Variants in KLHL3 observed in about 807,000 individuals in gnomAD.
The protein encoded by KLHL3 is kelch-like protein 3.
A neutral mutation model predicts 70.5 loss-of-function variants in KLHL3; 19 were observed. The ratio of observed to expected loss-of-function variants is 0.27; its 90% CI spans 0.19 to 0.40. The LOEUF is 0.40. Ranked by LOEUF, KLHL3 falls within the 10% of genes least tolerant of loss-of-function variation. The pLI is 1.00. For missense variants in KLHL3, 512 were observed against 771.1 expected (o/e 0.66, Z 3.98); for synonymous variants, 258 against 290.3 (o/e 0.89, Z 1.13).
Position 137,620,565 on chromosome 5 carries a change from T to C in KLHL3, c.*1533A>G, listed in dbSNP as rs1269160491. On this transcript the variant is annotated 3_prime_UTR_variant, in exon 15 of 15. Coordinates refer to ENST00000309755, the MANE Select transcript of KLHL3 (RefSeq NM_017415.3). ...GAGACTATTCTCCAGACACAAGACT[T>C]CCCCTGCTTATGCCAGAAATTTCAG... 1 of 152,170 alleles carries C rather than the reference T, an allele frequency of 6.6e-6. No homozygotes were observed. The highest frequency in any genetic ancestry group is 2.4e-5 in the African/African-American group (1 of 41,412). The allele number at this position is 152,170 out of a possible 1,614,324, so 9.4% of individuals were successfully genotyped here.
intron 1 of KLHL3, among the ~76,000 whole-genome samples, chr5:137,730,016 A>C (rs1193784690): frequency 6.6e-6 from 1 of 152,210 alleles, no homozygotes; most frequent in Admixed American, 6.5e-5. Flanking sequence ...GAACACATGC[A>C]TTAGTAAGGT....
chr5:137,663,404 T>C (rs2905580), intron 6 of KLHL3, among the ~76,000 whole-genome samples: 26,970 of 151,858 alleles, frequency 0.18, 2,878 homozygotes, highest in East Asian at 0.41. Flanking sequence ...CATCTGCCAA[T>C]GCTCAAGTCC....
In KLHL3 at chr5:137,662,114, A is replaced by AAG. The variant is rs1554092409; in HGVS notation, c.637-85_637-84dup. 0.27 allele frequency: 132,088 copies of AAG among 492,600 alleles called. 15,763 individuals are homozygous for AAG. The highest frequency in any genetic ancestry group is 0.35 in the East Asian group (9,488 of 27,280). The allele number at this position is 492,600 out of a possible 1,614,324, so 30.5% of individuals were successfully genotyped here. A position where few individuals can be genotyped will look rare whatever the true frequency, so the allele number is the denominator to read the frequency against. On this transcript the variant is annotated intron_variant, in intron 6 of 14. Coordinates refer to ENST00000309755, the MANE Select transcript of KLHL3 (RefSeq NM_017415.3). ...CCTCAATCTGTAAAAAAAAAAAAAAAAGAGAGAGAGAAAAAGTTATGAGTC... is the reference window on the plus strand; with the variant it reads ...CCTCAATCTGTAAAAAAAAAAAAAAAAGAGAGAGAGAGAAAAAGTTATGAGTC...
At chr5:137,726,081 C>A (rs1443717303) in intron 1 of KLHL3, among the ~76,000 whole-genome samples, 1 of 152,190 alleles carries the variant, frequency 6.6e-6, no homozygotes, top group Non-Finnish European at 1.5e-5. Flanking sequence ...TGCACACCAT[C>A]GCCAAACTGA....
intron 5 of KLHL3, among the ~76,000 whole-genome samples, chr5:137,678,306 G>C (rs1380563076): frequency 6.6e-6 from 1 of 152,104 alleles, no homozygotes; most frequent in East Asian, 1.9e-4. Context: ...AGGGAAATTT[G>C]GTGACAACTA....
intron 1 of KLHL3, among the ~76,000 whole-genome samples, chr5:137,732,917 T>C (rs1345203244): frequency 1.3e-5 from 2 of 152,208 alleles, no homozygotes; most frequent in East Asian, 3.8e-4. Context: ...ACACTGTTTG[T>C]AAAGCAGATT....
rs200081216 is a variant in KLHL3 at position 137,634,040 on chromosome 5, C to T, written c.1447G>A (p.Ala483Thr). 1.2e-5 allele frequency: 20 copies of T among 1,614,178 alleles called. No individual in the cohort carries two copies. The East Asian group carries it at 1.3e-4, about 11-fold the overall frequency. ...GCACCCCGAGGTTCTCCCATACCTGCGCCACTGCGGCGGGTGCTCATGTCC... is the reference window on the plus strand; with the variant it reads ...GCACCCCGAGGTTCTCCCATACCTGTGCCACTGCGGCGGGTGCTCATGTCC... ...VADMSTRRSG[A>T]GVGVLSGQLY... The change falls in exon 12 of 15, where the codon GCA (alanine) becomes ACA (threonine). Residue 483 changes from alanine to threonine, a missense_variant. Coordinates refer to ENST00000309755, the MANE Select transcript of KLHL3 (RefSeq NM_017415.3).
intron 3 of KLHL3, 104 bp from the exon 4 acceptor site, chr5:137,698,512 T>C: frequency 7.3e-7 from 1 of 1,366,756 alleles, no homozygotes; most frequent in African/African-American, 1.4e-5. Flanking sequence ...AAGCACTTCC[T>C]GGGCTCCAGG....
intron 6 of KLHL3, among the ~76,000 whole-genome samples, chr5:137,670,721 G>A (rs1473887834): frequency 6.6e-6 from 1 of 151,996 alleles, no homozygotes; most frequent in Non-Finnish European, 1.5e-5. Flanking sequence ...TGTAATCCCA[G>A]CACTTTGCGA....
intron 5 of KLHL3, among the ~76,000 whole-genome samples, chr5:137,689,899 T>C (rs1178959011): frequency 1.3e-5 from 2 of 152,234 alleles, no homozygotes; most frequent in African/African-American, 4.8e-5. Context: ...GTGGGATATG[T>C]GCTAGGTGTA....
intron 8 of KLHL3, among the ~76,000 whole-genome samples, chr5:137,641,534 TA>T (rs1750914380): frequency 6.6e-6 from 1 of 152,202 alleles, no homozygotes; most frequent in African/African-American, 2.4e-5. Context: ...TGAATTATCA[TA>T]GTGCTTTTTA....
chr5:137,620,726 A>G lies in KLHL3; in HGVS notation c.*1372T>C, dbSNP rs565727270. The G allele has an allele frequency of 6.6e-6, 1 of 152,356 alleles. No homozygotes were observed. The highest frequency in any genetic ancestry group is 2.1e-4 in the South Asian group (1 of 4,824). 9.4% of individuals were successfully genotyped at this position (152,356 alleles called of 1,614,324 possible). On this transcript the variant is annotated 3_prime_UTR_variant, in exon 15 of 15. Transcript: ENST00000309755. ...TAATAATTTTTACCTGTGAATTAGC[A>G]AAGCTCTCACCAAGCTCCCTTTTTA...
intron 3 of KLHL3, among the ~76,000 whole-genome samples, chr5:137,701,050 G>C (rs768676578): frequency 6.8e-6 from 1 of 147,682 alleles, no homozygotes; most frequent in African/African-American, 2.5e-5. Flanking sequence ...TTTTTTTTTC[G>C]AGATGGAGTT....
chr5:137,648,219 A>C (rs1355007717), intron 8 of KLHL3, among the ~76,000 whole-genome samples: 1 of 152,106 alleles, frequency 6.6e-6, no homozygotes, highest in African/African-American at 2.4e-5. Flanking sequence ...GTGTGGACCA[A>C]GGTGGAAGGG....
intron 5 of KLHL3, among the ~76,000 whole-genome samples, chr5:137,689,211 G>A (rs1324220407): frequency 6.6e-6 from 1 of 152,218 alleles, no homozygotes; most frequent in African/African-American, 2.4e-5. Flanking sequence ...AGAGAAAAGG[G>A]AATGCTTATA....
At position 137,627,474 on chromosome 5, in the gene KLHL3, A is replaced by ACCCCCCCCCCCC. The variant is rs1215063936; in HGVS notation, c.1591+822_1591+823insGGGGGGGGGGGG. 1.9e-4 allele frequency among the ~76,000 whole-genome samples: 10 copies of ACCCCCCCCCCCC among 53,102 alleles called. 3 individuals carry two copies. The highest frequency in any genetic ancestry group is 3.0e-4 in the Non-Finnish European group (7 of 22,952). The allele number at this position is 53,102 out of a possible 152,430, so 34.8% of individuals were successfully genotyped here. A position where few individuals can be genotyped will look rare whatever the true frequency, so the allele number is the denominator to read the frequency against. On this transcript the variant is annotated intron_variant, in intron 13 of 14. Coordinates refer to ENST00000309755, the MANE Select transcript of KLHL3 (RefSeq NM_017415.3). The stretch of plus-strand genomic sequence containing the variant: ...GGCAATGAGTAAATTAGTAAATATC[A>ACCCCCCCCCCCC]CCACCCCCCCCCCCGGTTTACACTT...
intron 6 of KLHL3, among the ~76,000 whole-genome samples, 200 bp from the exon 7 acceptor site, chr5:137,662,231 CACACACTCT>C (rs1751496121): frequency 7.1e-6 from 1 of 141,530 alleles, no homozygotes; most frequent in African/African-American, 2.7e-5. Flanking sequence ...AGTGATCACA[CACACACTCT>C]ACACACACAC....
chr5:137,647,572 GC>G, intron 8 of KLHL3: 1 of 472,254 alleles, frequency 2.1e-6, no homozygotes, highest in Non-Finnish European at 4.4e-6. Context: ...CAGAAGGCAG[GC>G]CCAGCCAGTC....
chr5:137,649,716 G>T (rs549822755), intron 8 of KLHL3, among the ~76,000 whole-genome samples: 1 of 152,360 alleles, frequency 6.6e-6, no homozygotes, highest in East Asian at 1.9e-4. Context: ...GCAAAATGGG[G>T]ATAATTACAG....
Sources: allele counts gnomAD v4.1 joint callset (sites outside exome capture counted in the v4.1 genomes callset), GRCh38; gene constraint gnomAD v4.1.1; transcripts MANE v1.5; gene names NCBI Gene and HGNC (gene_info 2026-07-23, HGNC 2026-07-21).